The following KCNIP4 variants were observed in gnomAD, a reference collection of about 807,000 sequenced individuals.
KCNIP4 encodes the protein Kv channel-interacting protein 4.
In KCNIP4, 12 loss-of-function variants were observed where a neutral mutation model predicts 34.0. The observed-to-expected ratio is 0.35, with a 90% CI of 0.23 to 0.57. KCNIP4 has a LOEUF of 0.57. Ranked by LOEUF, KCNIP4 falls within the 20% of genes least tolerant of loss-of-function variation. KCNIP4 has a pLI of 0.83. For missense variants in KCNIP4, 238 were observed against 311.7 expected (o/e 0.76, Z 1.78); for synonymous variants, 124 against 102.2 (o/e 1.21, Z -1.29).
At chr4:21,242,723 TG>T (rs1452336841) in intron 1 of KCNIP4, among the ~76,000 whole-genome samples, 2 of 152,184 alleles carry the variant, frequency 1.3e-5, no homozygotes, top group Non-Finnish European at 2.9e-5. Flanking sequence ...TTGGCTCCTC[TG>T]GTTCTCAGAC....
chr4:21,365,097 TTAAAG>T (rs1719610916), intron 1 of KCNIP4, among the ~76,000 whole-genome samples: 1 of 152,140 alleles, frequency 6.6e-6, no homozygotes, highest in Non-Finnish European at 1.5e-5. Flanking sequence ...AAGGGAGATA[TTAAAG>T]TATTTGGGGA....
intron 1 of KCNIP4, among the ~76,000 whole-genome samples, chr4:21,919,728 T>A (rs761638564): frequency 3.9e-5 from 6 of 152,024 alleles, no homozygotes; most frequent in Non-Finnish European, 8.8e-5. Flanking sequence ...ATATCAGGGG[T>A]GGAAAAGTTC....
chr4:21,528,671 A>AAAAC (rs1163474562), intron 1 of KCNIP4, among the ~76,000 whole-genome samples: 2 of 115,626 alleles, frequency 1.7e-5, no homozygotes, highest in African/African-American at 7.0e-5. Flanking sequence ...TGTCTCATAA[A>AAAAC]AAACAAAGAA....
At chr4:21,596,219 A>C (rs1225294030) in intron 1 of KCNIP4, among the ~76,000 whole-genome samples, 1 of 152,094 alleles carries the variant, frequency 6.6e-6, no homozygotes, top group Non-Finnish European at 1.5e-5. Flanking sequence ...AATTCAACTA[A>C]TATTTATATT....
intron 1 of KCNIP4, among the ~76,000 whole-genome samples, chr4:21,526,932 A>T (rs1736021309): frequency 6.6e-6 from 1 of 152,194 alleles, no homozygotes; most frequent in African/African-American, 2.4e-5. Flanking sequence ...ATAACCCACA[A>T]CAAATCACAA....
chr4:21,168,101 T>C (rs1199444272), intron 1 of KCNIP4, among the ~76,000 whole-genome samples: 1 of 152,222 alleles, frequency 6.6e-6, no homozygotes, highest in Non-Finnish European at 1.5e-5. Flanking sequence ...AAAGTATTCA[T>C]TTGTACTTTT....
chr4:21,517,130 A>G (rs1734832726), intron 1 of KCNIP4, among the ~76,000 whole-genome samples: 1 of 152,152 alleles, frequency 6.6e-6, no homozygotes, highest in Non-Finnish European at 1.5e-5. Flanking sequence ...ACAGCTGAAA[A>G]GTCTAACATA....
At chr4:21,556,937 A>ACAAAAAAAAACAAAAAAC (rs1739110167) in intron 1 of KCNIP4, among the ~76,000 whole-genome samples, 3 of 149,478 alleles carry the variant, frequency 2.0e-5, no homozygotes, top group Non-Finnish European at 4.4e-5. Flanking sequence ...AAAAAAAAAA[A>ACAAAAAAAAACAAAAAAC]AAAAAACCAG....
At chr4:20,897,211 C>T (rs2149545907) in intron 1 of KCNIP4, among the ~76,000 whole-genome samples, 1 of 152,228 alleles carries the variant, frequency 6.6e-6, no homozygotes, top group Non-Finnish European at 1.5e-5. Flanking sequence ...TAATTAGCAA[C>T]CTGTGGACAA....
chr4:21,306,674 C>T (rs1433975222), intron 1 of KCNIP4, among the ~76,000 whole-genome samples: 1 of 152,136 alleles, frequency 6.6e-6, no homozygotes. Context: ...CACACCACCT[C>T]GGAACTCAAA....
intron 3 of KCNIP4, among the ~76,000 whole-genome samples, chr4:20,818,229 T>C (rs939933509): frequency 2.0e-5 from 3 of 152,180 alleles, no homozygotes; most frequent in African/African-American, 7.2e-5. Flanking sequence ...AAGTAAATGT[T>C]GAAACTAAAA....
chr4:21,229,088 T>C (rs1163014185), intron 1 of KCNIP4, among the ~76,000 whole-genome samples: 1 of 152,194 alleles, frequency 6.6e-6, no homozygotes, highest in Non-Finnish European at 1.5e-5. Context: ...TCCACATGGA[T>C]CCTGGACCTA....
chr4:21,016,610 T>C (rs2149740870), intron 1 of KCNIP4, among the ~76,000 whole-genome samples: 1 of 152,152 alleles, frequency 6.6e-6, no homozygotes, highest in East Asian at 1.9e-4. Flanking sequence ...TTCTTTTATT[T>C]TTATTTTTAT....
At chr4:21,841,732 C>T (rs963577151) in intron 1 of KCNIP4, among the ~76,000 whole-genome samples, 3 of 152,002 alleles carry the variant, frequency 2.0e-5, no homozygotes, top group South Asian at 2.1e-4. Flanking sequence ...ATTGGAGACA[C>T]AGGGTGTCAA....
At position 21,562,536 on chromosome 4, in the gene KCNIP4, T is replaced by G. The variant is rs971039721; in HGVS notation, c.61+386035A>C. ...TAAATGCCTCCAACAAAATAACATG[T>G]AACATTTGGGAATTTCGTGGTAACT... On this transcript the variant is annotated intron_variant, in intron 1 of 8. Transcript: ENST00000382152. 1.3e-5 allele frequency among the ~76,000 whole-genome samples: 2 copies of G among 152,084 alleles called. 1 individual carries two copies. The highest frequency in any genetic ancestry group is 2.9e-5 in the Non-Finnish European group (2 of 67,952).
At chr4:21,151,542 G>A (rs967798302) in intron 1 of KCNIP4, among the ~76,000 whole-genome samples, 3 of 150,466 alleles carry the variant, frequency 2.0e-5, no homozygotes, top group African/African-American at 7.4e-5. Context: ...GTCCTCACAC[G>A]GTGATGAGAT....
At chr4:21,505,355 G>C (rs986779403) in intron 1 of KCNIP4, among the ~76,000 whole-genome samples, 5 of 151,910 alleles carry the variant, frequency 3.3e-5, no homozygotes, top group African/African-American at 1.2e-4. Flanking sequence ...TAGGTTGTGA[G>C]GCTGGCAAAT....
At chr4:21,732,684 G>GT (rs1715695743) in intron 1 of KCNIP4, among the ~76,000 whole-genome samples, 1 of 104,800 alleles carries the variant, frequency 9.5e-6, no homozygotes, top group Admixed American at 1.1e-4. Context: ...TGGGGTATTC[G>GT]GTCTTGCCTC....
At chr4:21,912,000 T>G (rs1409882388) in intron 1 of KCNIP4, among the ~76,000 whole-genome samples, 1 of 152,102 alleles carries the variant, frequency 6.6e-6, no homozygotes, top group East Asian at 1.9e-4. Flanking sequence ...TCCTAAAAAT[T>G]AGGTGGTAAC....
Sources: gnomAD v4.1 joint callset for allele counts (sites outside exome capture counted in the v4.1 genomes callset) on GRCh38, gnomAD v4.1.1 for gene constraint, MANE v1.5 for transcripts, NCBI Gene and HGNC (gene_info 2026-07-23, HGNC 2026-07-21) for gene names.